DMXL1: variants seen among roughly 807,000 people sequenced by gnomAD.
The protein encoded by DMXL1 is dmX-like protein 1.
DMXL1 carries 99 observed loss-of-function variants against 319.2 expected under a neutral mutation model. The observed-to-expected ratio is 0.31, with a 90% CI of 0.26 to 0.37. DMXL1 has a LOEUF of 0.37. Among genes scored for constraint, DMXL1 ranks in the 10% least tolerant of loss-of-function variants. The pLI is 1.00. For synonymous variants in DMXL1, 1,385 were observed against 1,235.2 expected (o/e 1.12, Z -2.54); for missense variants, 3,745 against 3,595.6 (o/e 1.04, Z -1.06).
chr5:119,220,924 T>A lies in DMXL1; in HGVS notation c.8136-16T>A, dbSNP rs1241101056. On this transcript the variant is annotated splice_polypyrimidine_tract_variant and intron_variant, in intron 36 of 43. Coordinates refer to ENST00000539542, the MANE Select transcript of DMXL1 (RefSeq NM_001290321.3). ...AATGATGAGTTGTTTTTATTCTGGT[T>A]GACATTCCTTTATAGATCAGAAGAT... The A allele has an allele frequency of 6.2e-7, 1 of 1,608,994 alleles. No individual in the cohort carries two copies. The highest frequency in any genetic ancestry group is 8.5e-7 in the Non-Finnish European group (1 of 1,178,144).
At chr5:119,099,186 GTTT>G (rs1309911605) in intron 2 of DMXL1, among the ~76,000 whole-genome samples, 4 of 91,826 alleles carry the variant, frequency 4.4e-5, no homozygotes, top group African/African-American at 1.7e-4. Flanking sequence ...TTTTTTTTTT[GTTT>G]TTTGTTTGTT....
chr5:119,142,490 C>T (rs1005154378), intron 13 of DMXL1, among the ~76,000 whole-genome samples: 2 of 147,082 alleles, frequency 1.4e-5, no homozygotes, highest in Non-Finnish European at 3.0e-5. Flanking sequence ...CCATCTCACA[C>T]CAGTCAGAAT....
At chr5:119,234,386 ACT>A (rs1561936217) in intron 39 of DMXL1, among the ~76,000 whole-genome samples, 1 of 151,868 alleles carries the variant, frequency 6.6e-6, no homozygotes, top group Non-Finnish European at 1.5e-5. Context: ...ACTCTCACAG[ACT>A]CTAACTGATG....
At chr5:119,180,935 T>C (rs370480369) in intron 28 of DMXL1, among the ~76,000 whole-genome samples, 1 of 152,184 alleles carries the variant, frequency 6.6e-6, no homozygotes. Flanking sequence ...TGTGCAGATA[T>C]CCATAAAAAA....
rs765601503 is a variant in DMXL1, at chr5:119,071,540, C to T, written c.-30C>T. 8.9e-6 allele frequency: 14 copies of T among 1,580,842 alleles called. No individual in the cohort carries two copies. The Admixed American group carries it at 1.1e-4, about 12-fold the overall frequency. ...GCTGACCCGTGGCATGAGCTGGATG[C>T]GGTGTCCGTTGCAGGACTAGGGCGC... is the stretch of plus-strand genomic sequence containing the variant. On this transcript the variant is annotated 5_prime_UTR_variant, in exon 1 of 44. Transcript: ENST00000539542.
intron 9 of DMXL1, chr5:119,128,095 G>T: frequency 2.1e-6 from 1 of 475,718 alleles, no homozygotes; most frequent in Non-Finnish European, 4.2e-6. Context: ...ATTACCCATT[G>T]CAAGTCTAAA....
Position 119,249,033 on chromosome 5 carries a change from T to C in DMXL1, c.*1814T>C, listed in dbSNP as rs1469880208. 1 of 152,578 alleles carries C rather than the reference T, an allele frequency of 6.6e-6. No individual in the cohort carries two copies. The highest frequency in any genetic ancestry group is 1.5e-5 in the Non-Finnish European group (1 of 67,966). The allele number at this position is 152,578 out of a possible 1,614,324, so 9.5% of individuals were successfully genotyped here. The stretch of plus-strand genomic sequence containing the variant: ...TTAAGGATGAACTAAATATTTTAAT[T>C]GAGCATTTATATGGATAATCATACA... On this transcript the variant is annotated 3_prime_UTR_variant, in exon 44 of 44. Coordinates refer to ENST00000539542, the MANE Select transcript of DMXL1 (RefSeq NM_001290321.3).
At chr5:119,119,570 C>G (rs186839896) in intron 8 of DMXL1, among the ~76,000 whole-genome samples, 2 of 149,386 alleles carry the variant, frequency 1.3e-5, no homozygotes, top group East Asian at 3.9e-4. Context: ...GATTCTCACT[C>G]TGTCAACCAG....
chr5:119,148,113 A>G (rs1035192905), intron 17 of DMXL1, among the ~76,000 whole-genome samples: 1 of 152,316 alleles, frequency 6.6e-6, no homozygotes, highest in African/African-American at 2.4e-5. Context: ...ATAGTGCATG[A>G]TTACTTTAAG....
intron 1 of DMXL1, among the ~76,000 whole-genome samples, chr5:119,087,933 C>G (rs1283762115): frequency 6.6e-6 from 1 of 152,150 alleles, no homozygotes; most frequent in Non-Finnish European, 1.5e-5. Context: ...TCCCAAGTAG[C>G]TGGGATTACA....
chr5:119,116,744 A>G (rs1167423659), intron 7 of DMXL1, among the ~76,000 whole-genome samples: 2 of 152,242 alleles, frequency 1.3e-5, no homozygotes, highest in South Asian at 2.1e-4. Context: ...AAATAGCTTT[A>G]TTAAGAGGAT....
Position 119,165,572 on chromosome 5 carries a change from G to A in DMXL1, c.4970+292G>A, listed in dbSNP as rs111808868. 2.9e-3 allele frequency among the ~76,000 whole-genome samples: 442 copies of A among 152,284 alleles called. 2 individuals are homozygous for A. Among genetic ancestry groups the A allele is most frequent in the African/African-American group, 9.8e-3 (406 of 41,556 alleles). On this transcript the variant is annotated intron_variant, in intron 21 of 43. Coordinates refer to ENST00000539542, the MANE Select transcript of DMXL1 (RefSeq NM_001290321.3). Reference sequence around the variant, plus strand: ...TAAAACAAAGGTAATGTATTAGTCCGTTTTCATGCTGCTAATAAAGACATA... The same window carrying A: ...TAAAACAAAGGTAATGTATTAGTCCATTTTCATGCTGCTAATAAAGACATA...
At chr5:119,075,525 C>T (rs527891869) in intron 1 of DMXL1, among the ~76,000 whole-genome samples, 1 of 152,100 alleles carries the variant, frequency 6.6e-6, no homozygotes, top group Admixed American at 6.5e-5. Flanking sequence ...AGGCGTGAGC[C>T]ACCGCGCCCT....
chr5:119,220,243 C>T (rs1784424372), intron 35 of DMXL1, among the ~76,000 whole-genome samples: 1 of 152,106 alleles, frequency 6.6e-6, no homozygotes, highest in Non-Finnish European at 1.5e-5. Context: ...AAATAAAATG[C>T]TGCATGTATT....
intron 34 of DMXL1, among the ~76,000 whole-genome samples, chr5:119,210,305 G>C (rs570755504): frequency 6.6e-6 from 1 of 152,266 alleles, no homozygotes; most frequent in East Asian, 1.9e-4. Context: ...TAATGTATTA[G>C]TTCTGGTTAT....
rs138815489 is a variant in DMXL1, at chr5:119,133,170, G to A, written c.1354G>A (p.Glu452Lys). ...DGVDDLKINPEKKELGCDKMV... is the reference protein window; with the variant it reads ...DGVDDLKINPKKKELGCDKMV... ...TGTTGATGATCTGAAAATAAATCCC[G>A]AAAAGAAGGAATTAGGCTGTGATAA... is the stretch of plus-strand genomic sequence containing the variant. The change falls in exon 11 of 44, where the codon GAA becomes AAA. Residue 452 changes from glutamate to lysine, a missense_variant. Physicochemically the swap from Glu to Lys is moderately conservative, Grantham distance 56 (BLOSUM62 1). This residue lies in a region of DMXL1 where 2,096 missense variants were observed against 1,985.4 expected (regional missense o/e 1.06). Transcript: ENST00000539542. 58 of 1,614,038 alleles carry A rather than the reference G, an allele frequency of 3.6e-5. No homozygotes were observed. The highest frequency in any genetic ancestry group is 2.9e-4 in the South Asian group (26 of 91,072).
intron 25 of DMXL1, among the ~76,000 whole-genome samples, chr5:119,174,607 C>G (rs1183452391): frequency 5.9e-5 from 9 of 152,152 alleles, no homozygotes; most frequent in Admixed American, 1.3e-4. Context: ...GATGAAGAAC[C>G]TGGTCTTTTA....
intron 38 of DMXL1, among the ~76,000 whole-genome samples, chr5:119,232,195 G>A (rs1250583664): frequency 6.6e-6 from 1 of 152,036 alleles, no homozygotes; most frequent in Admixed American, 6.6e-5. Context: ...AGCGATTTTA[G>A]TGCAACCACC....
intron 13 of DMXL1, among the ~76,000 whole-genome samples, chr5:119,138,665 C>G (rs1422345888): frequency 6.6e-6 from 1 of 152,034 alleles, no homozygotes; most frequent in Admixed American, 6.6e-5. Flanking sequence ...ATGGTGAAAC[C>G]CCATCTATTA....
Sources: allele counts gnomAD v4.1 joint callset (sites outside exome capture counted in the v4.1 genomes callset), GRCh38; gene constraint gnomAD v4.1.1; regional missense constraint gnomAD v4.1.1; transcripts MANE v1.5; gene names NCBI Gene and HGNC (gene_info 2026-07-23, HGNC 2026-07-21).